The following SMYD3 variants were observed in gnomAD, a reference collection of about 807,000 sequenced individuals.
The protein encoded by SMYD3 is SET and MYND domain containing 3.
A neutral mutation model predicts 57.7 loss-of-function variants in SMYD3; 36 were observed. The observed-to-expected ratio is 0.62, with a 90% CI of 0.48 to 0.82. SMYD3 has a LOEUF of 0.82. SMYD3 is among the 40% of genes least tolerant of loss of function. The pLI is 0.00. For synonymous variants in SMYD3, 211 were observed against 195.0 expected, an observed-to-expected ratio of 1.08 and a Z score of -0.68; for missense variants, 515 against 538.8, an observed-to-expected ratio of 0.96 and a Z score of 0.44.
chr1:246,117,780 C>G (rs1202710072), intron 5 of SMYD3, among the ~76,000 whole-genome samples: 1 of 152,176 alleles, frequency 6.6e-6, no homozygotes, highest in Non-Finnish European at 1.5e-5. Context: ...TGCCTATCAA[C>G]CCAAGAATCT....
intron 5 of SMYD3, among the ~76,000 whole-genome samples, chr1:246,246,008 T>C (rs1472987695): frequency 2.6e-5 from 4 of 152,232 alleles, no homozygotes; most frequent in African/African-American, 7.2e-5. Context: ...TGAAATCATT[T>C]ATTTACTTAT....
At chr1:246,009,807 T>C (rs1204710115) in intron 5 of SMYD3, among the ~76,000 whole-genome samples, 2 of 118,114 alleles carry the variant, frequency 1.7e-5, no homozygotes, top group East Asian at 2.2e-4. Flanking sequence ...TGTAAGATCT[T>C]TTTTTTTTTT....
intron 1 of SMYD3, among the ~76,000 whole-genome samples, chr1:246,394,409 G>T (rs1422099467): frequency 6.6e-6 from 1 of 152,198 alleles, no homozygotes; most frequent in Non-Finnish European, 1.5e-5. Context: ...AGATCCTGAT[G>T]TCAGAACACC....
chr1:245,801,959 C>A (rs1162494884), intron 10 of SMYD3, among the ~76,000 whole-genome samples: 1 of 150,956 alleles, frequency 6.6e-6, no homozygotes, highest in Non-Finnish European at 1.5e-5. Flanking sequence ...TCGTGTTCTT[C>A]CAAAATATAA....
chr1:246,145,078 T>C (rs2061822645), intron 5 of SMYD3, among the ~76,000 whole-genome samples: 2 of 152,178 alleles, frequency 1.3e-5, no homozygotes, highest in Admixed American at 6.5e-5. Flanking sequence ...ACAGTGGCTA[T>C]TCACACACTC....
chr1:245,818,778 A>T (rs1030493776), intron 10 of SMYD3, among the ~76,000 whole-genome samples: 4,022 of 151,860 alleles, frequency 0.026, 180 homozygotes, highest in African/African-American at 0.088. Context: ...AAACCAACAA[A>T]GATCAAAAGA....
chr1:246,243,113 T>C (rs10924609), intron 5 of SMYD3, among the ~76,000 whole-genome samples: 31,491 of 151,890 alleles, frequency 0.21, 3,980 homozygotes, highest in East Asian at 0.59. Context: ...CTAATAGACA[T>C]CTACAGAACT....
intron 5 of SMYD3, among the ~76,000 whole-genome samples, chr1:246,158,096 T>A (rs1005450407): frequency 1.3e-5 from 2 of 152,206 alleles, no homozygotes; most frequent in Non-Finnish European, 2.9e-5. Flanking sequence ...TCAGAATGAA[T>A]TATTAAAGCC....
intron 5 of SMYD3, among the ~76,000 whole-genome samples, chr1:246,069,600 A>C (rs1267163677): frequency 1.3e-5 from 2 of 152,214 alleles, no homozygotes; most frequent in Non-Finnish European, 2.9e-5. Context: ...ACAATCCCAA[A>C]TCAAGAAAGA....
At position 246,370,331 on chromosome 1, in the gene SMYD3, A is replaced by G. The variant is rs143715566; in HGVS notation, c.165-15237T>C. ...CATAATACAAAACCATTTTTTGAGAAGTGACACAGACTATACAGGACCCCA... is the reference window on the plus strand; with the variant it reads ...CATAATACAAAACCATTTTTTGAGAGGTGACACAGACTATACAGGACCCCA... On this transcript the variant is annotated intron_variant, in intron 1 of 11. Transcript: ENST00000490107. 1.7e-3 allele frequency among the ~76,000 whole-genome samples: 258 copies of G among 152,346 alleles called. 1 individual carries two copies. The highest frequency in any genetic ancestry group is 5.7e-3 in the African/African-American group (239 of 41,582).
At chr1:245,925,664 A>G (rs1468022526) in intron 7 of SMYD3, among the ~76,000 whole-genome samples, 2 of 152,196 alleles carry the variant, frequency 1.3e-5, no homozygotes, top group Non-Finnish European at 2.9e-5. Context: ...GAGTAAGCTC[A>G]ATATAATAGA....
intron 5 of SMYD3, among the ~76,000 whole-genome samples, chr1:245,970,511 A>T (rs923501282): frequency 6.6e-6 from 1 of 152,228 alleles, no homozygotes; most frequent in African/African-American, 2.4e-5. Context: ...AAAGTATCAG[A>T]GGAAACAGGC....
At chr1:245,754,664 C>T (rs772816081) in intron 11 of SMYD3, among the ~76,000 whole-genome samples, 8 of 152,228 alleles carry the variant, frequency 5.3e-5, no homozygotes, top group Non-Finnish European at 8.8e-5. Flanking sequence ...CCACTCCACT[C>T]TACATCTTGG....
At chr1:245,867,427 A>G (rs370268899) in intron 8 of SMYD3, among the ~76,000 whole-genome samples, 1 of 152,300 alleles carries the variant, frequency 6.6e-6, no homozygotes, top group African/African-American at 2.4e-5. Context: ...AGTCCCTAAC[A>G]TACCTTCTGC....
At chr1:246,026,968 T>A (rs2059586277) in intron 5 of SMYD3, among the ~76,000 whole-genome samples, 1 of 152,118 alleles carries the variant, frequency 6.6e-6, no homozygotes, top group Non-Finnish European at 1.5e-5. Flanking sequence ...TTGAGGGAAA[T>A]TAAAAGTGCT....
chr1:246,456,029 A>G (rs1220434153), intron 1 of SMYD3, among the ~76,000 whole-genome samples: 1 of 152,200 alleles, frequency 6.6e-6, no homozygotes, highest in African/African-American at 2.4e-5. Flanking sequence ...TCAATAACCT[A>G]TATTAAAACA....
chr1:245,858,897 T>C (rs34751188), intron 9 of SMYD3, among the ~76,000 whole-genome samples: 14,276 of 152,264 alleles, frequency 0.094, 866 homozygotes, highest in South Asian at 0.22. Context: ...TAACCAGGCC[T>C]GTGCTTTGGA....
chr1:246,206,784 A>G (rs1373817020), intron 5 of SMYD3, among the ~76,000 whole-genome samples: 6 of 152,214 alleles, frequency 3.9e-5, no homozygotes, highest in Non-Finnish European at 2.9e-5. Context: ...AAGCTCTGAA[A>G]AAGTTGGGAA....
At chr1:246,165,185 G>A (rs549273701) in intron 5 of SMYD3, among the ~76,000 whole-genome samples, 9 of 152,318 alleles carry the variant, frequency 5.9e-5, no homozygotes, top group Non-Finnish European at 1.3e-4. Context: ...AACTACAGCA[G>A]TTTCAATTGA....
Sources: gnomAD v4.1 joint callset for allele counts (sites outside exome capture counted in the v4.1 genomes callset) on GRCh38, gnomAD v4.1.1 for gene constraint, MANE v1.5 for transcripts, NCBI Gene and HGNC (gene_info 2026-07-23, HGNC 2026-07-21) for gene names.